SNTG1: variants seen among roughly 807,000 people sequenced by gnomAD.
The protein encoded by SNTG1 is gamma-1-syntrophin.
A neutral mutation model predicts 74.7 loss-of-function variants in SNTG1; 39 were observed. That is an observed-to-expected ratio of 0.52 (90% CI 0.40 to 0.68). SNTG1 has a LOEUF of 0.68. Ranked by LOEUF, SNTG1 falls within the 30% of genes least tolerant of loss-of-function variation. The probability of loss-of-function intolerance (pLI) is 0.00; values close to 1 mark genes in which losing one functional copy is unlikely to be tolerated. For synonymous variants in SNTG1, 254 were observed against 217.1 expected, an observed-to-expected ratio of 1.17 and a Z score of -1.49; for missense variants, 685 against 609.5, an observed-to-expected ratio of 1.12 and a Z score of -1.30.
At chr8:50,715,697 A>AC (rs997412024) in intron 17 of SNTG1, among the ~76,000 whole-genome samples, 79 of 152,246 alleles carry the variant, frequency 5.2e-4, no homozygotes, top group African/African-American at 1.9e-3. Flanking sequence ...GTTTGTTAAA[A>AC]CCCACTCACA....
intron 15 of SNTG1, among the ~76,000 whole-genome samples, chr8:50,668,624 G>A (rs1345162608): frequency 2.0e-5 from 3 of 151,066 alleles, no homozygotes; most frequent in Non-Finnish European, 2.9e-5. Flanking sequence ...TGCACCTATC[G>A]ACCTGTCCTC....
intron 13 of SNTG1, among the ~76,000 whole-genome samples, chr8:50,638,693 C>T (rs1378875872): frequency 6.6e-6 from 1 of 152,062 alleles, no homozygotes; most frequent in Non-Finnish European, 1.5e-5. Context: ...CATCCCTCCA[C>T]CCTAGAGGAG....
intron 2 of SNTG1, among the ~76,000 whole-genome samples, chr8:50,221,961 T>C (rs1041640255): frequency 6.6e-6 from 1 of 152,008 alleles, no homozygotes; most frequent in Non-Finnish European, 1.5e-5. Flanking sequence ...TCAAAGATAG[T>C]TTGGTAGGTA....
rs1378613287 is a variant in SNTG1, at chr8:50,793,803, T to C, written c.*974T>C. 1 of 151,888 alleles carries C rather than the reference T, an allele frequency of 6.6e-6. No homozygotes were observed. The highest frequency in any genetic ancestry group is 1.5e-5 in the Non-Finnish European group (1 of 67,896). 9.4% of individuals were successfully genotyped at this position (151,888 alleles called of 1,614,324 possible). On this transcript the variant is annotated 3_prime_UTR_variant, in exon 19 of 19. Transcript: ENST00000642720. ...CCCCCGAAAACAGTCCCAAAGCTAT[T>C]ATAGATGTTAATTAAATGACATTTT...
intron 15 of SNTG1, among the ~76,000 whole-genome samples, chr8:50,686,196 C>T (rs2095351856): frequency 6.6e-6 from 1 of 152,134 alleles, no homozygotes. Context: ...TACTATCAGG[C>T]AGTATCATCT....
At chr8:50,779,487 T>A (rs2095651806) in intron 18 of SNTG1, among the ~76,000 whole-genome samples, 1 of 152,192 alleles carries the variant, frequency 6.6e-6, no homozygotes, top group South Asian at 2.1e-4. Context: ...AGTTCACTCA[T>A]TATTTGGCTC....
chr8:50,791,873 C>A (rs1351987238), intron 18 of SNTG1, among the ~76,000 whole-genome samples: 1 of 151,752 alleles, frequency 6.6e-6, no homozygotes, highest in Non-Finnish European at 1.5e-5. Flanking sequence ...ATACTAGCAA[C>A]ATCATCTTTC....
At chr8:50,559,621 C>T (rs571087785) in intron 12 of SNTG1, among the ~76,000 whole-genome samples, 1 of 152,102 alleles carries the variant, frequency 6.6e-6, no homozygotes, top group East Asian at 1.9e-4. Context: ...AAAATAAGAA[C>T]TTGGAAAGGA....
chr8:50,495,937 G>T lies in SNTG1; in HGVS notation c.364-6841G>T, dbSNP rs771922067. On this transcript the variant is annotated intron_variant, in intron 8 of 18. Coordinates refer to ENST00000642720, the MANE Select transcript of SNTG1 (RefSeq NM_018967.5). ...TTTCAACCAAAGCTGTCACCCAGTA[G>T]TTCCTGTAAAAAGCCAAGTTCTTAT... Among the ~76,000 whole-genome samples the T allele has an allele frequency of 2.0e-5, 3 of 152,164 alleles. No homozygotes were observed. In the South Asian group the frequency reaches 6.2e-4, roughly 31 times the overall value.
chr8:50,770,466 G>C (rs2095624191), intron 18 of SNTG1, among the ~76,000 whole-genome samples: 1 of 152,016 alleles, frequency 6.6e-6, no homozygotes, highest in Non-Finnish European at 1.5e-5. Context: ...ATGCATCCTA[G>C]AAAACATGGT....
At chr8:50,108,776 C>A (rs2080475755) in intron 1 of SNTG1, among the ~76,000 whole-genome samples, 2 of 152,076 alleles carry the variant, frequency 1.3e-5, no homozygotes, top group African/African-American at 4.8e-5. Context: ...GTGGCCTGAA[C>A]AAATTTGCTT....
intron 2 of SNTG1, among the ~76,000 whole-genome samples, chr8:50,280,777 C>A (rs557310828): frequency 2.0e-5 from 3 of 152,012 alleles, no homozygotes; most frequent in African/African-American, 7.2e-5. Context: ...CATAGGTGGC[C>A]ACCTTTAGAG....
At chr8:50,220,222 GTAATTT>G (rs1206980002) in intron 2 of SNTG1, among the ~76,000 whole-genome samples, 1 of 152,118 alleles carries the variant, frequency 6.6e-6, no homozygotes, top group African/African-American at 2.4e-5. Context: ...CATCTTTGGG[GTAATTT>G]CAATGCAGCT....
intron 3 of SNTG1, among the ~76,000 whole-genome samples, chr8:50,394,633 G>C (rs1197675375): frequency 4.6e-5 from 7 of 152,130 alleles, no homozygotes; most frequent in African/African-American, 1.7e-4. Context: ...ATGATTTTAT[G>C]ATTCTGATAG....
intron 9 of SNTG1, among the ~76,000 whole-genome samples, chr8:50,510,848 G>T (rs1309458458): frequency 4.0e-5 from 6 of 150,956 alleles, no homozygotes; most frequent in Non-Finnish European, 8.9e-5. Flanking sequence ...CAATTTTGTT[G>T]ATATTTTCAA....
intron 1 of SNTG1, among the ~76,000 whole-genome samples, chr8:50,110,292 G>T (rs1453364109): frequency 1.3e-5 from 2 of 152,092 alleles, no homozygotes; most frequent in Non-Finnish European, 2.9e-5. Flanking sequence ...TGCTTTGAGT[G>T]GTCTCTGGGG....
intron 2 of SNTG1, among the ~76,000 whole-genome samples, chr8:50,245,269 A>G (rs993441667): frequency 2.0e-5 from 3 of 152,148 alleles, no homozygotes; most frequent in Non-Finnish European, 4.4e-5. Context: ...AGTGTCTCAC[A>G]ATTCCTTGAT....
At chr8:50,150,752 G>C (rs948693517) in intron 1 of SNTG1, among the ~76,000 whole-genome samples, 4 of 152,108 alleles carry the variant, frequency 2.6e-5, no homozygotes, top group Non-Finnish European at 5.9e-5. Context: ...TGCATCCCAG[G>C]GATGAAGCCC....
intron 1 of SNTG1, among the ~76,000 whole-genome samples, chr8:49,948,338 G>A (rs910834552): frequency 1.3e-5 from 2 of 151,966 alleles, no homozygotes; most frequent in Non-Finnish European, 2.9e-5. Flanking sequence ...TAATTATCAT[G>A]GGTTATTTTA....
Sources: allele counts gnomAD v4.1 joint callset (sites outside exome capture counted in the v4.1 genomes callset), GRCh38; gene constraint gnomAD v4.1.1; transcripts MANE v1.5; gene names NCBI Gene and HGNC (gene_info 2026-07-23, HGNC 2026-07-21).